Variants in WWC1 observed in about 807,000 individuals in gnomAD.
WWC1 encodes the protein protein KIBRA.
A neutral mutation model predicts 138.4 loss-of-function variants in WWC1; 55 were observed. The ratio of observed to expected loss-of-function variants is 0.40; its 90% CI spans 0.32 to 0.50. The LOEUF (loss-of-function observed/expected upper bound fraction) is 0.50. Among genes scored for constraint, WWC1 ranks in the 20% least tolerant of loss-of-function variants. The pLI is 0.72. For synonymous variants in WWC1, 524 were observed against 564.9 expected, an observed-to-expected ratio of 0.93 and a Z score of 1.03; for missense variants, 1,226 against 1,420.4, an observed-to-expected ratio of 0.86 and a Z score of 2.20.
At chr5:168,449,570 CTTT>C (rs10636051) in intron 17 of WWC1, among the ~76,000 whole-genome samples, 39 of 90,736 alleles carry the variant, frequency 4.3e-4, no homozygotes, top group African/African-American at 1.4e-3. Context: ...TTTAACAGCT[CTTT>C]TTTTTTTTTT....
intron 21 of WWC1, among the ~76,000 whole-genome samples, chr5:168,467,404 G>A (rs1310648509): frequency 6.6e-6 from 1 of 152,200 alleles, no homozygotes; most frequent in Non-Finnish European, 1.5e-5. Flanking sequence ...TAGGAGGAAG[G>A]GGCATAGTGT....
intron 1 of WWC1, among the ~76,000 whole-genome samples, chr5:168,342,992 A>G (rs79773839): frequency 0.018 from 2,732 of 152,224 alleles, 88 homozygotes; most frequent in African/African-American, 0.062. Context: ...TCCAATTTGT[A>G]GGTTCCAAGG....
intron 4 of WWC1, 30 bp from the exon 5 acceptor site, chr5:168,399,458 C>T (rs1387243345): frequency 1.2e-6 from 2 of 1,613,334 alleles, no homozygotes; most frequent in Non-Finnish European, 1.7e-6. Flanking sequence ...GCCTCTGACC[C>T]AGCCCTGTGT....
At chr5:168,411,174 A>AC (rs1176711402) in intron 8 of WWC1, among the ~76,000 whole-genome samples, 4 of 151,996 alleles carry the variant, frequency 2.6e-5, no homozygotes, top group Admixed American at 1.3e-4. Flanking sequence ...TGATCCACCC[A>AC]CCTCAGCCTC....
intron 1 of WWC1, among the ~76,000 whole-genome samples, chr5:168,304,202 A>T (rs913399761): frequency 2.6e-5 from 4 of 152,194 alleles, no homozygotes; most frequent in African/African-American, 9.6e-5. Flanking sequence ...TTACAGAGTT[A>T]CTGCTCAATT....
At chr5:168,450,811 A>G (rs536089998) in intron 17 of WWC1, among the ~76,000 whole-genome samples, 6 of 152,344 alleles carry the variant, frequency 3.9e-5, no homozygotes, top group African/African-American at 1.4e-4. Context: ...AGTACAAACT[A>G]TAAAAGAAAA....
rs542637155 is a variant in WWC1, at chr5:168,297,882, C to T, written c.119+5611C>T. On this transcript the variant is annotated intron_variant, in intron 1 of 22. Transcript: ENST00000265293. ...AGACCAGGAAGTTGCATTCATCGTG[C>T]GTCACAATCATTTGTGAGTTGTGTC... Among the ~76,000 whole-genome samples the T allele has an allele frequency of 1.1e-4, 17 of 152,208 alleles. No individual in the cohort carries two copies. The South Asian group carries it at 2.3e-3, about 20-fold the overall frequency.
intron 21 of WWC1, among the ~76,000 whole-genome samples, chr5:168,467,033 G>C (rs1344460370): frequency 1.3e-5 from 2 of 152,170 alleles, no homozygotes; most frequent in Non-Finnish European, 2.9e-5. Context: ...AGGCCGAGGC[G>C]GGCAGATCAC....
At chr5:168,433,184 C>A (rs1782084262) in intron 15 of WWC1, among the ~76,000 whole-genome samples, 1 of 152,248 alleles carries the variant, frequency 6.6e-6, no homozygotes, top group East Asian at 1.9e-4. Flanking sequence ...TGAAGACTAA[C>A]TAAGGCGCTG....
chr5:168,414,466 A>G lies in WWC1; in HGVS notation c.1060A>G (p.Met354Val). Reference sequence around the variant, plus strand: ...CGAGAAGGAGGAGCTGCTGAAGGAGATGCGCTTCATCAGCCCCCGCAAGTG... The same window carrying G: ...CGAGAAGGAGGAGCTGCTGAAGGAGGTGCGCTTCATCAGCCCCCGCAAGTG... ...INEKEELLKE[M>V]RFISPRKWTQ... The change falls in exon 9 of 23, where the codon ATG (methionine) becomes GTG (valine). Residue 354 changes from methionine (M) to valine (V), a missense_variant. Coordinates refer to ENST00000265293, the MANE Select transcript of WWC1 (RefSeq NM_015238.3). 4 of 1,570,420 alleles carry G rather than the reference A, an allele frequency of 2.5e-6. No homozygotes were observed. The highest frequency in any genetic ancestry group is 1.2e-5 in the South Asian group (1 of 85,918).
intron 3 of WWC1, among the ~76,000 whole-genome samples, chr5:168,386,149 A>G (rs1325442327): frequency 1.3e-5 from 2 of 152,058 alleles, no homozygotes; most frequent in Admixed American, 6.5e-5. Flanking sequence ...CCTTCAGGTC[A>G]TCACCTCTGA....
intron 1 of WWC1, among the ~76,000 whole-genome samples, chr5:168,317,176 G>A (rs1771679638): frequency 6.6e-6 from 1 of 152,132 alleles, no homozygotes; most frequent in African/African-American, 2.4e-5. Flanking sequence ...CAAGAGGGTT[G>A]GGGTTTCAGT....
intron 17 of WWC1, among the ~76,000 whole-genome samples, chr5:168,445,839 G>A (rs1198689765): frequency 1.3e-5 from 2 of 152,030 alleles, no homozygotes; most frequent in Non-Finnish European, 2.9e-5. Context: ...CATCACCGAG[G>A]CTGCTTTATA....
At chr5:168,388,189 T>C (rs1778188025) in intron 3 of WWC1, among the ~76,000 whole-genome samples, 1 of 152,098 alleles carries the variant, frequency 6.6e-6, no homozygotes, top group South Asian at 2.1e-4. Flanking sequence ...AATAAAGATA[T>C]CATGAAGGAT....
chr5:168,317,594 TC>T (rs745378016), intron 1 of WWC1, among the ~76,000 whole-genome samples: 1 of 152,050 alleles, frequency 6.6e-6, no homozygotes, highest in Non-Finnish European at 1.5e-5. Context: ...CTGTCCTATT[TC>T]CCCCATTGCC....
chr5:168,424,090 G>A, intron 11 of WWC1, 22 bp downstream of exon 11: 1 of 1,559,068 alleles, frequency 6.4e-7, no homozygotes, highest in African/African-American at 1.4e-5. Flanking sequence ...CATACCCAGA[G>A]GGTGGGAACC....
chr5:168,375,069 C>T (rs1777064461), intron 2 of WWC1, among the ~76,000 whole-genome samples: 1 of 152,136 alleles, frequency 6.6e-6, no homozygotes, highest in African/African-American at 2.4e-5. Flanking sequence ...TATTACCTAT[C>T]TGAGAGGACA....
chr5:168,293,745 G>A (rs558575033), intron 1 of WWC1, among the ~76,000 whole-genome samples: 5 of 152,256 alleles, frequency 3.3e-5, no homozygotes, highest in African/African-American at 9.6e-5. Context: ...ACTTGGAAGG[G>A]ACGTACATCA....
intron 1 of WWC1, among the ~76,000 whole-genome samples, chr5:168,299,355 T>G (rs1406020776): frequency 6.6e-6 from 1 of 152,164 alleles, no homozygotes; most frequent in East Asian, 1.9e-4. Context: ...GCCAGTGAGA[T>G]CCTCATGGCA....
Sources: allele counts gnomAD v4.1 joint callset (sites outside exome capture counted in the v4.1 genomes callset), GRCh38; gene constraint gnomAD v4.1.1; transcripts MANE v1.5; gene names NCBI Gene and HGNC (gene_info 2026-07-23, HGNC 2026-07-21).